The following ARHGEF18 variants were observed in gnomAD, a reference collection of about 807,000 sequenced individuals.
The protein encoded by ARHGEF18 is Rho/Rac guanine nucleotide exchange factor 18.
ARHGEF18 carries 93 observed loss-of-function variants against 155.7 expected under a neutral mutation model. That is an observed-to-expected ratio of 0.60 (90% CI 0.50 to 0.71). The LOEUF is 0.71. Among genes scored for constraint, ARHGEF18 ranks in the 30% least tolerant of loss-of-function variants. The pLI is 0.00. For missense variants in ARHGEF18, 1,593 were observed against 1,816.1 expected (o/e 0.88, Z 2.23); for synonymous variants, 742 against 753.1 (o/e 0.99, Z 0.24).
intron 10 of ARHGEF18, among the ~76,000 whole-genome samples, chr19:7,384,692 A>ATTT (rs369171603): frequency 5.9e-4 from 83 of 141,582 alleles, no homozygotes; most frequent in African/African-American, 1.5e-3. Flanking sequence ...TTTTTGCAAA[A>ATTT]TTTTTTTTTT....
At chr19:7,468,767 C>T in intron 26 of ARHGEF18, 58 bp from the exon 27 acceptor site, 2 of 1,471,948 alleles carry the variant, frequency 1.4e-6, no homozygotes, top group African/African-American at 1.4e-5. Context: ...CTCGGGGGCT[C>T]TCCAGAGGCC....
chr19:7,443,774 TGC>T (rs1974820044), intron 13 of ARHGEF18, among the ~76,000 whole-genome samples: 1 of 151,952 alleles, frequency 6.6e-6, no homozygotes, highest in African/African-American at 2.4e-5. Context: ...CGTGGTGGTG[TGC>T]ACCTGTAATC....
At chr19:7,353,767 A>C (rs1969213775) in intron 1 of ARHGEF18, among the ~76,000 whole-genome samples, 1 of 151,796 alleles carries the variant, frequency 6.6e-6, no homozygotes, top group South Asian at 2.1e-4. Context: ...AGTCTGGCCA[A>C]CATGGCAAAA....
intron 14 of ARHGEF18, among the ~76,000 whole-genome samples, chr19:7,445,873 T>C (rs1974959876): frequency 6.6e-6 from 1 of 152,094 alleles, no homozygotes; most frequent in African/African-American, 2.4e-5. Context: ...TCCGCCTGCC[T>C]CAGTCTCCCA....
chr19:7,362,080 A>AAG (rs1969614171), intron 1 of ARHGEF18, among the ~76,000 whole-genome samples: 7 of 19,664 alleles, frequency 3.6e-4, no homozygotes, highest in African/African-American at 1.1e-3. Flanking sequence ...GGAGAAGGAG[A>AAG]AGGAGAAGGA....
intron 1 of ARHGEF18, among the ~76,000 whole-genome samples, chr19:7,349,503 C>CG (rs1568255769): frequency 6.6e-6 from 1 of 151,990 alleles, no homozygotes; most frequent in Non-Finnish European, 1.5e-5. Context: ...GGAGGCCGGG[C>CG]GCGGTGGCTC....
chr19:7,363,913 AGGAG>A (rs1476343816), intron 2 of ARHGEF18, among the ~76,000 whole-genome samples: 1 of 151,396 alleles, frequency 6.6e-6, no homozygotes, highest in Non-Finnish European at 1.5e-5. Context: ...GATGGAAGGA[AGGAG>A]GATGGATAAA....
intron 1 of ARHGEF18, among the ~76,000 whole-genome samples, chr19:7,361,934 G>T (rs1192919546): frequency 2.0e-5 from 3 of 151,560 alleles, no homozygotes; most frequent in African/African-American, 7.3e-5. Context: ...GGAGGTTGTG[G>T]TGAGCTGAGA....
intron 1 of ARHGEF18, among the ~76,000 whole-genome samples, chr19:7,352,280 G>C (rs141535082): frequency 6.6e-6 from 1 of 151,848 alleles, no homozygotes; most frequent in Admixed American, 6.6e-5. Flanking sequence ...TTTTGCTCTC[G>C]GTGAGGGCTA....
At chr19:7,402,758 C>T (rs918724262) in intron 10 of ARHGEF18, among the ~76,000 whole-genome samples, 1 of 151,990 alleles carries the variant, frequency 6.6e-6, no homozygotes, top group African/African-American at 2.4e-5. Flanking sequence ...TGTCAGTGTG[C>T]CCATGCGCTG....
chr19:7,349,499 C>T (rs548133806), intron 1 of ARHGEF18, among the ~76,000 whole-genome samples: 96 of 151,974 alleles, frequency 6.3e-4, no homozygotes, highest in African/African-American at 2.0e-3. Flanking sequence ...GGGTGGAGGC[C>T]GGGCGCGGTG....
rs1375468226 is a variant in ARHGEF18, at chr19:7,357,877, CTCAA to C, written c.-110-4901_-110-4898del. Among the ~76,000 whole-genome samples, 7 of 152,074 alleles carry C rather than the reference CTCAA, an allele frequency of 4.6e-5. No individual in the cohort carries two copies. In the South Asian group the frequency reaches 1.0e-3, roughly 23 times the overall value. ...TCTGCTCATGCTTTTTCATTCATTC[CTCAA>C]TCTGTTGGTGCATGTCTGATGAGTG... On this transcript the variant is annotated intron_variant, in intron 1 of 28. Transcript: ENST00000668164.
chr19:7,384,334 G>C (rs1259246370), intron 10 of ARHGEF18, among the ~76,000 whole-genome samples: 3 of 152,164 alleles, frequency 2.0e-5, no homozygotes, highest in Non-Finnish European at 4.4e-5. Flanking sequence ...TCTCCTGGGG[G>C]GCAGAATTTC....
chr19:7,428,529 T>C (rs1973781232), intron 10 of ARHGEF18, among the ~76,000 whole-genome samples: 1 of 152,144 alleles, frequency 6.6e-6, no homozygotes, highest in African/African-American at 2.4e-5. Context: ...AAGAGATTTT[T>C]TTTTTTAAGT....
Position 7,362,032 on chromosome 19 carries a change from AAGG to A in ARHGEF18, c.-110-746_-110-744del, listed in dbSNP as rs1172071705. Among the ~76,000 whole-genome samples, 526 of 53,292 alleles carry A rather than the reference AAGG, an allele frequency of 9.9e-3. 18 individuals carry two copies. Among genetic ancestry groups the A allele is most frequent in the East Asian group, 0.029 (54 of 1,886 alleles). The allele number at this position is 53,292 out of a possible 152,430, so 35.0% of individuals were successfully genotyped here. ...GAAGAAGAAGGAGAAGGAGAAGGAG[AAGG>A]AGAAGGAGAAGGAGAAGGAGAAGGA... is the stretch of plus-strand genomic sequence containing the variant. On this transcript the variant is annotated intron_variant, in intron 1 of 28. Transcript: ENST00000668164.
intron 13 of ARHGEF18, 72 bp downstream of exon 13, chr19:7,442,124 CCCTTCCTTCCTTCCTTCCTTCCTTCCTT>C (rs200202576): frequency 0.34 from 386,421 of 1,126,882 alleles, 69,101 homozygotes; most frequent in Middle Eastern, 0.45. Context: ...CTTCCTCCCT[CCCTTCCTTCCTTCCTTCCTTCCTTCCTT>C]CCTTCCTTCC....
chr19:7,461,733 C>T (rs913258743), intron 20 of ARHGEF18, among the ~76,000 whole-genome samples: 7 of 152,138 alleles, frequency 4.6e-5, no homozygotes, highest in African/African-American at 9.7e-5. Flanking sequence ...GAGTACAGTA[C>T]TGCAGTCATA....
chr19:7,364,508 G>T (rs1410749396), intron 2 of ARHGEF18, among the ~76,000 whole-genome samples: 1 of 152,140 alleles, frequency 6.6e-6, no homozygotes, highest in African/African-American at 2.4e-5. Context: ...TCTGCAGCCT[G>T]CGTCCATACC....
chr19:7,435,251 G>A (rs1263596687), intron 10 of ARHGEF18, among the ~76,000 whole-genome samples: 1 of 151,900 alleles, frequency 6.6e-6, no homozygotes, highest in Non-Finnish European at 1.5e-5. Context: ...CTGGCAAGCA[G>A]ACTTCTGGCC....
Sources: allele counts gnomAD v4.1 joint callset (sites outside exome capture counted in the v4.1 genomes callset), GRCh38; gene constraint gnomAD v4.1.1; transcripts MANE v1.5; gene names NCBI Gene and HGNC (gene_info 2026-07-23, HGNC 2026-07-21).